GLIS3: variants seen among roughly 807,000 people sequenced by gnomAD.
GLIS3 encodes GLIS family zinc finger 3.
GLIS3 carries 53 observed loss-of-function variants against 78.6 expected under a neutral mutation model. The observed-to-expected ratio is 0.67, with a 90% CI of 0.54 to 0.85. GLIS3 has a LOEUF of 0.85. Among genes scored for constraint, GLIS3 ranks in the 40% least tolerant of loss-of-function variants. GLIS3 has a pLI of 0.00. For missense variants in GLIS3, 1,703 were observed against 1,231.1 expected, an observed-to-expected ratio of 1.38 and a Z score of -5.74; for synonymous variants, 684 against 509.9, an observed-to-expected ratio of 1.34 and a Z score of -4.60.
the GLIS3 span, among the ~76,000 whole-genome samples, chr9:4,409,550 T>G: frequency 6.6e-6 from 1 of 152,194 alleles, no homozygotes; most frequent in African/African-American, 2.4e-5. Flanking sequence ...ACTAGTATAA[T>G]GATAATTATG....
chr9:3,864,327 G>A (rs1045481602), intron 8 of GLIS3, among the ~76,000 whole-genome samples: 1 of 152,146 alleles, frequency 6.6e-6, no homozygotes, highest in Non-Finnish European at 1.5e-5. Context: ...GTTCAGAAGA[G>A]AGTGTAATGA....
Position 4,059,420 on chromosome 9 carries a change from T to C in GLIS3, c.1710+58348A>G, listed in dbSNP as rs80188621. 4.8e-3 allele frequency among the ~76,000 whole-genome samples: 727 copies of C among 152,294 alleles called. 4 individuals are homozygous for C. The highest frequency in any genetic ancestry group is 8.5e-3 in the Non-Finnish European group (577 of 68,022). On this transcript the variant is annotated intron_variant, in intron 4 of 10. Transcript: ENST00000381971. Reference sequence around the variant, plus strand: ...CAGTGACTACAGAAAACTGCCAGAGTGCCATGATGGGATTTCTCTCAGCTC... The same window carrying C: ...CAGTGACTACAGAAAACTGCCAGAGCGCCATGATGGGATTTCTCTCAGCTC...
chr9:4,183,478 T>C (rs1308786691), intron 2 of GLIS3, among the ~76,000 whole-genome samples: 1 of 152,206 alleles, frequency 6.6e-6, no homozygotes, highest in Non-Finnish European at 1.5e-5. Context: ...TTAAATTGCA[T>C]AGTCCAGCAC....
intron 4 of GLIS3, among the ~76,000 whole-genome samples, chr9:4,001,267 T>G (rs1201449994): frequency 6.6e-6 from 1 of 152,246 alleles, no homozygotes. Context: ...AAAAAAAATC[T>G]TTTGGCAATG....
chr9:4,104,334 C>T (rs1427650262), intron 4 of GLIS3, among the ~76,000 whole-genome samples: 2 of 152,140 alleles, frequency 1.3e-5, no homozygotes, highest in East Asian at 1.9e-4. Context: ...ACCTCTGACA[C>T]TTCTGTCTCT....
intron 8 of GLIS3, among the ~76,000 whole-genome samples, chr9:3,868,360 A>G (rs1181964609): frequency 2.0e-5 from 3 of 146,426 alleles, no homozygotes; most frequent in East Asian, 3.9e-4. Context: ...TGTCTTCAAA[A>G]TGGAAGTAAT....
intron 2 of GLIS3, chr9:4,152,021 G>T: frequency 6.4e-6 from 2 of 311,328 alleles, no homozygotes; most frequent in Non-Finnish European, 9.4e-6. Context: ...CACAGGTCTT[G>T]TATGAAAAAA....
intron 2 of GLIS3, among the ~76,000 whole-genome samples, chr9:4,342,297 T>C (rs1030927587): frequency 2.0e-5 from 3 of 152,198 alleles, no homozygotes; most frequent in Non-Finnish European, 4.4e-5. Flanking sequence ...CCAGGTTCAA[T>C]CTTCTGCACG....
intron 2 of GLIS3, among the ~76,000 whole-genome samples, chr9:4,134,907 T>A (rs1415529835): frequency 6.6e-6 from 1 of 152,172 alleles, no homozygotes; most frequent in Non-Finnish European, 1.5e-5. Flanking sequence ...CCTAGAAGGC[T>A]TGTCCTGAAA....
chr9:4,225,583 G>A (rs898913702), intron 2 of GLIS3, among the ~76,000 whole-genome samples: 60 of 152,258 alleles, frequency 3.9e-4, no homozygotes, highest in African/African-American at 1.4e-3. Flanking sequence ...AAACCATTTA[G>A]TAGTAGAAGA....
intron 4 of GLIS3, among the ~76,000 whole-genome samples, chr9:3,948,472 C>T (rs1000324651): frequency 6.6e-6 from 1 of 152,158 alleles, no homozygotes; most frequent in Non-Finnish European, 1.5e-5. Flanking sequence ...GTCATGCCTG[C>T]AGTGTACTTT....
chr9:4,056,544 T>A (rs1203785203), intron 4 of GLIS3, among the ~76,000 whole-genome samples: 1 of 152,114 alleles, frequency 6.6e-6, no homozygotes, highest in African/African-American at 2.4e-5. Context: ...TGCAGGAGAC[T>A]TTCTACGAAG....
intron 2 of GLIS3, among the ~76,000 whole-genome samples, chr9:4,198,396 A>C (rs184763854): frequency 9.2e-5 from 14 of 152,298 alleles, no homozygotes; most frequent in African/African-American, 3.4e-4. Context: ...AACTCACTTA[A>C]GGAATTACAA....
chr9:4,189,920 C>G (rs1235555600), intron 2 of GLIS3, among the ~76,000 whole-genome samples: 1 of 152,010 alleles, frequency 6.6e-6, no homozygotes, highest in Non-Finnish European at 1.5e-5. Context: ...CCCAGGCAAA[C>G]AGCGTCTGGA....
chr9:4,243,859 C>G (rs1270034763), intron 2 of GLIS3, among the ~76,000 whole-genome samples: 1 of 152,224 alleles, frequency 6.6e-6, no homozygotes, highest in South Asian at 2.1e-4. Context: ...CCTAACCCAC[C>G]TGGTACAGGA....
intron 4 of GLIS3, among the ~76,000 whole-genome samples, chr9:4,063,270 A>T (rs893531641): frequency 5.3e-5 from 8 of 152,170 alleles, no homozygotes; most frequent in Admixed American, 1.3e-4. Flanking sequence ...CCTTTTATAA[A>T]ACATGTAATA....
chr9:4,204,148 T>TGTCAGA lies in GLIS3; in HGVS notation c.389-78208_389-78207insTCTGAC, dbSNP rs1819642346. 2.0e-5 allele frequency among the ~76,000 whole-genome samples: 3 copies of TGTCAGA among 152,234 alleles called. No homozygotes were observed. In the South Asian group the frequency reaches 6.2e-4, roughly 32 times the overall value. ...CTAAAATGTCAGATAGCCAATGAAT[T>TGTCAGA]TAAGCTGATGAAAGAATGATCTACT... On this transcript the variant is annotated intron_variant, in intron 2 of 10. Coordinates refer to ENST00000381971, the MANE Select transcript of GLIS3 (RefSeq NM_001042413.2).
At chr9:4,249,668 G>A (rs553889891) in intron 2 of GLIS3, among the ~76,000 whole-genome samples, 68 of 152,274 alleles carry the variant, frequency 4.5e-4, no homozygotes, top group Admixed American at 1.0e-3. Context: ...GAATAAGGGT[G>A]GTGAGAGAGG....
intron 2 of GLIS3, among the ~76,000 whole-genome samples, chr9:4,201,624 C>G (rs79770373): frequency 0.023 from 3,520 of 152,118 alleles, 127 homozygotes; most frequent in African/African-American, 0.08. Flanking sequence ...ATAGAGCTAA[C>G]CAGGGAGCTA....
Sources: allele counts gnomAD v4.1 joint callset (sites outside exome capture counted in the v4.1 genomes callset), GRCh38; gene constraint gnomAD v4.1.1; transcripts MANE v1.5; gene names NCBI Gene and HGNC (gene_info 2026-07-23, HGNC 2026-07-21).